Variants in NFIB observed in about 807,000 individuals in gnomAD.
The protein encoded by NFIB is nuclear factor I B, also known as nuclear factor 1 B-type.
A neutral mutation model predicts 61.5 loss-of-function variants in NFIB; 11 were observed. The ratio of observed to expected loss-of-function variants is 0.18; its 90% CI spans 0.11 to 0.30. The LOEUF (loss-of-function observed/expected upper bound fraction) is 0.30, where lower values mean the gene tolerates loss of function less well. NFIB is among the 10% of genes least tolerant of loss of function. The pLI is 1.00. For missense variants in NFIB, 471 were observed against 608.9 expected (o/e 0.77, Z 2.38); for synonymous variants, 260 against 216.5 (o/e 1.20, Z -1.76).
chr9:14,156,027 A>G, intron 3 of NFIB, 134 bp from the exon 4 acceptor site: 1 of 483,808 alleles, frequency 2.1e-6, no homozygotes, highest in Non-Finnish European at 3.6e-6. Flanking sequence ...AGGACTTTAA[A>G]AAATGACTCT....
the NFIB span, among the ~76,000 whole-genome samples, chr9:14,514,475 T>C: frequency 1.3e-5 from 2 of 152,136 alleles, no homozygotes; most frequent in Admixed American, 1.3e-4. Flanking sequence ...ATTCATAGAT[T>C]TGGTATTGGA....
chr9:14,295,348 G>C (rs543934600), intron 2 of NFIB, among the ~76,000 whole-genome samples: 1 of 152,144 alleles, frequency 6.6e-6, no homozygotes, highest in South Asian at 2.1e-4. Context: ...CCAGTTGGCC[G>C]GGCGCGGTGG....
At chr9:14,163,216 G>A (rs2044395245) in intron 3 of NFIB, among the ~76,000 whole-genome samples, 1 of 151,780 alleles carries the variant, frequency 6.6e-6, no homozygotes, top group African/African-American at 2.4e-5. Context: ...CAATAAATAA[G>A]AATGCAATCA....
the NFIB span, among the ~76,000 whole-genome samples, chr9:14,434,372 C>T: frequency 2.6e-5 from 4 of 152,310 alleles, no homozygotes; most frequent in South Asian, 2.1e-4. Context: ...CCAAATAATG[C>T]TGCATTGAAT....
chr9:14,308,982 C>A (rs139785211), intron 1 of NFIB, among the ~76,000 whole-genome samples: 2 of 152,130 alleles, frequency 1.3e-5, no homozygotes, highest in Non-Finnish European at 2.9e-5. Flanking sequence ...ACATGCACAC[C>A]GCATGTACGC....
the NFIB span, among the ~76,000 whole-genome samples, chr9:14,450,143 C>T: frequency 3.3e-5 from 5 of 151,958 alleles, no homozygotes; most frequent in Admixed American, 1.3e-4. Context: ...CGACAGGCCC[C>T]GGTGTGTGAT....
intron 2 of NFIB, among the ~76,000 whole-genome samples, chr9:14,266,204 A>C (rs2057187580): frequency 1.3e-5 from 2 of 152,142 alleles, no homozygotes. Flanking sequence ...CCAAATCTGC[A>C]TTCCTAATTA....
chr9:14,096,667 C>A (rs1430321308), intron 10 of NFIB: 1 of 152,198 alleles, frequency 6.6e-6, no homozygotes, highest in East Asian at 1.9e-4. Flanking sequence ...TGTCTGGTTT[C>A]TCCTGGTTAC....
the NFIB span, among the ~76,000 whole-genome samples, chr9:14,463,911 C>A: frequency 3.3e-3 from 498 of 152,272 alleles, 4 homozygotes; most frequent in African/African-American, 0.011. Context: ...CCGACCGCCT[C>A]GGCCTCCCAA....
At chr9:14,458,747 T>C in the NFIB span, among the ~76,000 whole-genome samples, 1 of 152,134 alleles carries the variant, frequency 6.6e-6, no homozygotes, top group Admixed American at 6.6e-5. Flanking sequence ...AGCCAAATCA[T>C]GAGTAAACTC....
At chr9:14,250,182 T>C (rs1280308145) in intron 2 of NFIB, among the ~76,000 whole-genome samples, 2 of 152,192 alleles carry the variant, frequency 1.3e-5, no homozygotes, top group Non-Finnish European at 2.9e-5. Flanking sequence ...TTATGGCCTG[T>C]TGAGCACTTT....
chr9:14,217,660 CAAAAAAAA>C lies in NFIB; in HGVS notation c.563-37888_563-37881del, dbSNP rs34055171. 2.9e-4 allele frequency among the ~76,000 whole-genome samples: 24 copies of C among 81,504 alleles called. 1 individual carries two copies. The highest frequency in any genetic ancestry group is 1.8e-3 in the Admixed American group (12 of 6,686). The allele number at this position is 81,504 out of a possible 152,430, so 53.5% of individuals were successfully genotyped here. ...GGGCAACAAGAGTGAAACTCCATCT[CAAAAAAAA>C]AAAAAAAAAAAAAGACACAAACTAA... On this transcript the variant is annotated intron_variant, in intron 2 of 10. Transcript: ENST00000380953.
At chr9:14,458,790 C>G in the NFIB span, among the ~76,000 whole-genome samples, 48 of 151,978 alleles carry the variant, frequency 3.2e-4, no homozygotes, top group African/African-American at 1.1e-3. Context: ...GAATAAAATA[C>G]CTAGGAATCC....
intron 1 of NFIB, among the ~76,000 whole-genome samples, chr9:14,329,668 C>G (rs547980422): frequency 5.3e-5 from 8 of 152,038 alleles, no homozygotes; most frequent in Non-Finnish European, 1.2e-4. Context: ...GTGCGTACCA[C>G]CATGCCTGGC....
chr9:14,440,155 T>C, the NFIB span, among the ~76,000 whole-genome samples: 2 of 152,268 alleles, frequency 1.3e-5, no homozygotes, highest in Admixed American at 1.3e-4. Context: ...ATGAGGCACC[T>C]GGTGTGAGCT....
intron 2 of NFIB, among the ~76,000 whole-genome samples, chr9:14,223,022 G>A (rs1182060710): frequency 6.6e-6 from 1 of 152,012 alleles, no homozygotes; most frequent in Non-Finnish European, 1.5e-5. Context: ...GAATTGTCTT[G>A]AGCCACACAT....
chr9:14,397,199 C>A (rs1325791634), intron 1 of NFIB, among the ~76,000 whole-genome samples: 2 of 152,128 alleles, frequency 1.3e-5, no homozygotes, highest in African/African-American at 4.8e-5. Context: ...CAAAACTGAA[C>A]CTTAACAAAA....
intron 2 of NFIB, among the ~76,000 whole-genome samples, chr9:14,191,711 T>C (rs1230098354): frequency 6.6e-6 from 1 of 152,226 alleles, no homozygotes; most frequent in Non-Finnish European, 1.5e-5. Context: ...TATGTAATCT[T>C]AGACATCAAT....
At chr9:14,285,364 C>A (rs950734538) in intron 2 of NFIB, among the ~76,000 whole-genome samples, 1 of 152,198 alleles carries the variant, frequency 6.6e-6, no homozygotes, top group African/African-American at 2.4e-5. Context: ...CTCAGGTAAT[C>A]CCCCACCTCG....
Sources: allele counts gnomAD v4.1 joint callset (sites outside exome capture counted in the v4.1 genomes callset), GRCh38; gene constraint gnomAD v4.1.1; transcripts MANE v1.5; gene names NCBI Gene and HGNC (gene_info 2026-07-23, HGNC 2026-07-21).